The following BRWD1 variants were observed in gnomAD, a reference collection of about 807,000 sequenced individuals.
The protein encoded by BRWD1 is bromodomain and WD repeat domain containing 1.
A neutral mutation model predicts 251.2 loss-of-function variants in BRWD1; 82 were observed. The observed-to-expected ratio is 0.33, with a 90% CI of 0.27 to 0.39. BRWD1 has a LOEUF of 0.39. BRWD1 is among the 10% of genes least tolerant of loss of function. The pLI is 1.00. For missense variants in BRWD1, 2,233 were observed against 2,711.6 expected, an observed-to-expected ratio of 0.82 and a Z score of 3.92; for synonymous variants, 918 against 902.8, an observed-to-expected ratio of 1.02 and a Z score of -0.30.
At chr21:39,264,435 A>G in intron 17 of BRWD1, 25 bp downstream of exon 17, 1 of 1,402,016 alleles carries the variant, frequency 7.1e-7, no homozygotes, top group Non-Finnish European at 9.5e-7. Flanking sequence ...CTTTAAAAAA[A>G]AAAAAAAAAA....
intron 12 of BRWD1, among the ~76,000 whole-genome samples, chr21:39,275,311 G>A (rs1039244695): frequency 2.6e-5 from 4 of 152,132 alleles, no homozygotes; most frequent in South Asian, 2.1e-4. Context: ...ATATATCACG[G>A]TGGTTTCTTA....
chr21:39,286,567 T>C (rs1002682838), intron 8 of BRWD1, among the ~76,000 whole-genome samples: 3 of 151,818 alleles, frequency 2.0e-5, no homozygotes, highest in African/African-American at 4.8e-5. Context: ...TGGTGGGAAG[T>C]GCAGTGGCGC....
intron 5 of BRWD1, 110 bp from the exon 6 acceptor site, chr21:39,296,473 A>C: frequency 1.6e-6 from 2 of 1,289,908 alleles, no homozygotes; most frequent in Non-Finnish European, 2.0e-6. Flanking sequence ...CATTTTACCA[A>C]CTAGTATACT....
intron 26 of BRWD1, 82 bp from the exon 27 acceptor site, chr21:39,228,664 T>C: frequency 1.4e-6 from 1 of 696,644 alleles, no homozygotes; most frequent in Non-Finnish European, 2.5e-6. Context: ...AAAAGAAACA[T>C]GAGATCTACG....
At chr21:39,270,563 A>C in intron 13 of BRWD1, 130 bp from the exon 14 acceptor site, 1 of 713,948 alleles carries the variant, frequency 1.4e-6, no homozygotes, top group Non-Finnish European at 2.2e-6. Flanking sequence ...CAGTGAGTTC[A>C]TCACAGCTGA....
intron 8 of BRWD1, among the ~76,000 whole-genome samples, chr21:39,284,250 G>C (rs779529885): frequency 3.9e-5 from 6 of 152,144 alleles, no homozygotes; most frequent in Non-Finnish European, 8.8e-5. Context: ...GAGGCCAATG[G>C]AGGAGGATTG....
intron 31 of BRWD1, chr21:39,217,010 AATATATATATATATATATATAT>A (rs67133519): frequency 1.3e-5 from 1 of 78,148 alleles, no homozygotes; most frequent in Non-Finnish European, 2.2e-5. Context: ...AGCTCCCACA[AATATATATATATATATATATAT>A]ATAAATATAT....
intron 32 of BRWD1, among the ~76,000 whole-genome samples, chr21:39,214,710 C>T (rs2032808598): frequency 6.6e-6 from 1 of 151,624 alleles, no homozygotes; most frequent in African/African-American, 2.4e-5. Context: ...AGGCAAATGG[C>T]AACTTTCTGG....
chr21:39,216,786 A>ATT, intron 31 of BRWD1: 1 of 309,722 alleles, frequency 3.2e-6, no homozygotes, highest in Non-Finnish European at 6.2e-6. Context: ...ACAGAAATAT[A>ATT]TTTTTTTTAA....
chr21:39,269,250 A>ATT (rs375909440), intron 15 of BRWD1, among the ~76,000 whole-genome samples: 4,260 of 150,758 alleles, frequency 0.028, 93 homozygotes, highest in Non-Finnish European at 0.043. Flanking sequence ...CAAAAAAAAA[A>ATT]ATTTTTTTTT....
chr21:39,246,079 T>G (rs760022084), intron 21 of BRWD1, among the ~76,000 whole-genome samples: 8 of 151,920 alleles, frequency 5.3e-5, no homozygotes, highest in Non-Finnish European at 1.0e-4. Flanking sequence ...ATTTAAAACT[T>G]TCATCCTCAA....
At chr21:39,253,823 A>G (rs1443450263) in intron 19 of BRWD1, among the ~76,000 whole-genome samples, 1 of 152,262 alleles carries the variant, frequency 6.6e-6, no homozygotes, top group African/African-American at 2.4e-5. Flanking sequence ...CATTTTAGAT[A>G]TCATTCTAAA....
chr21:39,308,788 A>T (rs1386389639), intron 4 of BRWD1, among the ~76,000 whole-genome samples: 1 of 152,228 alleles, frequency 6.6e-6, no homozygotes, highest in Non-Finnish European at 1.5e-5. Flanking sequence ...AGACAAATAC[A>T]GAATGTAAAA....
Position 39,295,896 on chromosome 21 carries a change from T to C in BRWD1, c.456A>G (p.Ile152Met), listed in dbSNP as rs1340395803. 1.3e-6 allele frequency: 2 copies of C among 1,594,492 alleles called. No homozygotes were observed. Among genetic ancestry groups the C allele is most frequent in the Admixed American group, 1.7e-5 (1 of 57,962 alleles). ...NYGSPPNLVE[I>M]HRGKQLTGCS... ...ACCCTGTGAGTTGTTTTCCTCGATG[T>C]ATCTCCACTAGGAAATAAAAACAAT... The change falls in exon 7 of 41, where the codon ATA becomes ATG. Residue 152 changes from isoleucine to methionine, a missense_variant. Coordinates refer to ENST00000342449, the MANE Select transcript of BRWD1 (RefSeq NM_033656.4).
chr21:39,294,516 G>A (rs71316668), intron 7 of BRWD1, among the ~76,000 whole-genome samples: 13,744 of 152,156 alleles, frequency 0.09, 781 homozygotes, highest in East Asian at 0.19. Flanking sequence ...TTAGCCGGGC[G>A]TGGTGGCTGG....
intron 12 of BRWD1, among the ~76,000 whole-genome samples, chr21:39,274,789 C>T (rs1313324934): frequency 6.6e-6 from 1 of 152,138 alleles, no homozygotes; most frequent in African/African-American, 2.4e-5. Context: ...TGTCTGTAAT[C>T]CCAGCACTTT....
At chr21:39,279,639 A>C (rs1366177873) in intron 9 of BRWD1, among the ~76,000 whole-genome samples, 1 of 74,426 alleles carries the variant, frequency 1.3e-5, no homozygotes, top group East Asian at 2.2e-4. Flanking sequence ...ACTCCATCTC[A>C]AAAAAAAAAA....
At chr21:39,314,286 C>G (rs570724365), upstream of BRWD1, 29 of 455,974 alleles carry the variant, frequency 6.4e-5, no homozygotes, top group East Asian at 1.9e-3. Context: ...GCTGCCGAGA[C>G]CCAGCCACAT....
rs1192736039 is a variant in BRWD1, at chr21:39,196,404, T to C, written c.6665A>G (p.Asp2222Gly). The C allele has an allele frequency of 6.2e-7, 1 of 1,613,670 alleles. No individual in the cohort carries two copies. Among genetic ancestry groups the C allele is most frequent in the African/African-American group, 1.3e-5 (1 of 74,906 alleles). ...RLSVDDNDWE[D>G]LDYAKSKRVL... ...TCTTTTAGATTTTGCATAGTCCAAA[T>C]CCTCCCAGTCATTATCATCCACACT... The change falls in exon 41 of 41, where the codon GAT (aspartate) becomes GGT (glycine). Residue 2222 changes from aspartate (D) to glycine (G), a missense_variant. Asp to Gly is a moderately conservative substitution (Grantham distance 94). Coordinates refer to ENST00000342449, the MANE Select transcript of BRWD1 (RefSeq NM_033656.4).
Sources: allele counts gnomAD v4.1 joint callset (sites outside exome capture counted in the v4.1 genomes callset), GRCh38; gene constraint gnomAD v4.1.1; transcripts MANE v1.5; gene names NCBI Gene and HGNC (gene_info 2026-07-23, HGNC 2026-07-21).